SAMTOR: variants seen among roughly 807,000 people sequenced by gnomAD.
SAMTOR encodes the protein S-adenosylmethionine sensor upstream of mTORC1.
chr7:112,924,660 A>G, the SAMTOR span, among the ~76,000 whole-genome samples: 2 of 152,180 alleles, frequency 1.3e-5, no homozygotes, highest in Non-Finnish European at 2.9e-5. Flanking sequence ...AATTTGTTAC[A>G]TATCAGACTG....
chr7:112,928,408 C>G, the SAMTOR span, among the ~76,000 whole-genome samples: 1 of 151,920 alleles, frequency 6.6e-6, no homozygotes, highest in Admixed American at 6.6e-5. Context: ...CTTCCCTCAT[C>G]TGCCATCCTT....
the SAMTOR span, among the ~76,000 whole-genome samples, chr7:112,916,488 C>T: frequency 3.3e-5 from 5 of 152,126 alleles, no homozygotes. Flanking sequence ...AGGAACAGCT[C>T]CGGTCTACAG....
At chr7:112,882,433 G>A in the SAMTOR span, among the ~76,000 whole-genome samples, 1 of 152,178 alleles carries the variant, frequency 6.6e-6, no homozygotes, top group Non-Finnish European at 1.5e-5. Context: ...GCTCACGCCT[G>A]TAATCCCAGC....
At chr7:112,902,491 A>G in the SAMTOR span, among the ~76,000 whole-genome samples, 2,838 of 150,530 alleles carry the variant, frequency 0.019, 47 homozygotes, top group South Asian at 0.036. Context: ...AGATGGGTGA[A>G]AAGGCCGGCA....
chr7:112,832,375 G>T, the SAMTOR span, among the ~76,000 whole-genome samples: 2 of 152,140 alleles, frequency 1.3e-5, no homozygotes, highest in East Asian at 3.9e-4. Context: ...CTATTTAGAT[G>T]ATAAAGAAAA....
chr7:112,922,527 C>A, the SAMTOR span, among the ~76,000 whole-genome samples: 1 of 151,904 alleles, frequency 6.6e-6, no homozygotes, highest in Non-Finnish European at 1.5e-5. Flanking sequence ...CTCTTCCCGG[C>A]CGCCATCCCA....
At chr7:112,848,316 C>T in the SAMTOR span, among the ~76,000 whole-genome samples, 1 of 152,224 alleles carries the variant, frequency 6.6e-6, no homozygotes, top group Middle Eastern at 3.4e-3. Context: ...GTACCTTTAG[C>T]ATCATTAAAA....
chr7:112,939,449 AGGCCCGGGAGAGCAGCAGC>A, the SAMTOR span: 5 of 1,336,668 alleles, frequency 3.7e-6, no homozygotes, highest in Non-Finnish European at 5.1e-6. Context: ...GGCTCAGACC[AGGCCCGGGAGAGCAGCAGC>A]GGCTGGGGGG....
the SAMTOR span, among the ~76,000 whole-genome samples, chr7:112,935,811 C>T: frequency 3.3e-5 from 5 of 152,090 alleles, no homozygotes; most frequent in African/African-American, 4.8e-5. Context: ...TTTACATAAA[C>T]GCTTTAAGTT....
chr7:112,833,320 T>G, the SAMTOR span, among the ~76,000 whole-genome samples: 3 of 152,098 alleles, frequency 2.0e-5, no homozygotes, highest in Admixed American at 2.0e-4. Context: ...TGGGCTATGG[T>G]TAAGGAGTTC....
the SAMTOR span, among the ~76,000 whole-genome samples, chr7:112,926,699 A>C: frequency 6.6e-6 from 1 of 152,216 alleles, no homozygotes; most frequent in Non-Finnish European, 1.5e-5. Flanking sequence ...TTCTTTTAAA[A>C]ATACTCCATA....
chr7:112,855,992 G>A, the SAMTOR span, among the ~76,000 whole-genome samples: 1 of 152,042 alleles, frequency 6.6e-6, no homozygotes, highest in South Asian at 2.1e-4. Context: ...GTTAGAGAGT[G>A]ACATGGAAAT....
chr7:112,895,566 TACTC>T, the SAMTOR span: 3 of 1,527,226 alleles, frequency 2.0e-6, no homozygotes, highest in Non-Finnish European at 2.7e-6. Flanking sequence ...AAAGTATACT[TACTC>T]AGTTATAAAT....
chr7:112,839,445 T>C, the SAMTOR span, among the ~76,000 whole-genome samples: 2 of 151,830 alleles, frequency 1.3e-5, no homozygotes, highest in Non-Finnish European at 2.9e-5. Context: ...CTTCACTTGG[T>C]GTTTATGTAT....
At chr7:112,846,145 CT>C in the SAMTOR span, among the ~76,000 whole-genome samples, 450 of 128,832 alleles carry the variant, frequency 3.5e-3, 2 homozygotes, top group Middle Eastern at 9.0e-3. Flanking sequence ...ATCTGTACAA[CT>C]TTTTTTTTTT....
chr7:112,933,741 G>A, the SAMTOR span, among the ~76,000 whole-genome samples: 2 of 152,078 alleles, frequency 1.3e-5, no homozygotes, highest in Non-Finnish European at 2.9e-5. Flanking sequence ...TCACATGAGG[G>A]ACATTAAATA....
the SAMTOR span, among the ~76,000 whole-genome samples, chr7:112,923,561 G>A: frequency 1.3e-5 from 2 of 152,190 alleles, no homozygotes; most frequent in African/African-American, 2.4e-5. Context: ...TGGAGAGGAT[G>A]TGGAGAAATA....
the SAMTOR span, among the ~76,000 whole-genome samples, chr7:112,845,508 T>C: frequency 5.3e-5 from 8 of 152,156 alleles, no homozygotes; most frequent in Admixed American, 5.2e-4. Context: ...CACTGATCAT[T>C]AGAGAAGTGC....
chr7:112,902,416 C>CAAAA, the SAMTOR span, among the ~76,000 whole-genome samples: 248 of 12,214 alleles, frequency 0.02, 52 homozygotes, highest in East Asian at 0.066. Context: ...AACTCCGTCT[C>CAAAA]AAAAAAAAAA....
Sources: gnomAD v4.1 joint callset for allele counts (sites outside exome capture counted in the v4.1 genomes callset) on GRCh38, gnomAD v4.1.1 for gene constraint, MANE v1.5 for transcripts, NCBI Gene and HGNC (gene_info 2026-07-23, HGNC 2026-07-21) for gene names.